The following HDAC4 variants were observed in gnomAD, a reference collection of about 807,000 sequenced individuals.
HDAC4 encodes histone deacetylase 4.
HDAC4 carries 16 observed loss-of-function variants against 135.1 expected under a neutral mutation model. That is an observed-to-expected ratio of 0.12 (90% CI 0.08 to 0.18). The LOEUF (loss-of-function observed/expected upper bound fraction) is 0.18. Among genes scored for constraint, HDAC4 ranks in the 10% least tolerant of loss-of-function variants. HDAC4 has a pLI of 1.00. For missense variants in HDAC4, 1,143 were observed against 1,511.8 expected, an observed-to-expected ratio of 0.76 and a Z score of 4.05; for synonymous variants, 685 against 653.4, an observed-to-expected ratio of 1.05 and a Z score of -0.74.
rs2034167374 is a variant in HDAC4 at position 239,071,209 on chromosome 2, G to C, written c.2751-2602C>G. ...GAGGTGGGCAGATCACCTGAGGTCA[G>C]GAGTTTGAGACCAGCCTGGCCAACA... is the stretch of plus-strand genomic sequence containing the variant. On this transcript the variant is annotated intron_variant, in intron 22 of 26. Transcript: ENST00000543185. Among the ~76,000 whole-genome samples, 2 of 152,102 alleles carry C rather than the reference G, an allele frequency of 1.3e-5. 1 individual carries two copies. The highest frequency in any genetic ancestry group is 4.1e-4 in the South Asian group (2 of 4,822).
At chr2:239,063,976 G>A (rs922158900) in intron 24 of HDAC4, among the ~76,000 whole-genome samples, 2 of 152,218 alleles carry the variant, frequency 1.3e-5, no homozygotes, top group Non-Finnish European at 2.9e-5. Context: ...GGTCACCGGG[G>A]CAAGGCACTG....
chr2:239,294,410 C>T (rs1396642164), intron 2 of HDAC4, among the ~76,000 whole-genome samples: 1 of 152,042 alleles, frequency 6.6e-6, no homozygotes, highest in African/African-American at 2.4e-5. Flanking sequence ...GAGTCTGGAG[C>T]CTACCTGGCT....
chr2:239,084,308 G>A (rs1245454975), intron 19 of HDAC4, 66 bp from the exon 20 acceptor site: 9 of 1,106,654 alleles, frequency 8.1e-6, no homozygotes, highest in East Asian at 7.6e-5. Flanking sequence ...TCCACGGCCC[G>A]CCAGAGAGCC....
intron 2 of HDAC4, among the ~76,000 whole-genome samples, chr2:239,266,860 A>C (rs1314187831): frequency 3.3e-5 from 5 of 151,970 alleles, no homozygotes; most frequent in Admixed American, 2.0e-4. Context: ...GCTCCACCCC[A>C]CACCCAGGTG....
Position 239,293,624 on chromosome 2 carries a change from C to A in HDAC4, c.23-56960G>T, listed in dbSNP as rs532420354. Reference sequence around the variant, plus strand: ...GCTTATGGACACAGGGATCCCCAGACCAACGCACAGGGCACCTCCAGGCTT... The same window carrying A: ...GCTTATGGACACAGGGATCCCCAGAACAACGCACAGGGCACCTCCAGGCTT... On this transcript the variant is annotated intron_variant, in intron 2 of 26. Coordinates refer to ENST00000543185, the MANE Select transcript of HDAC4 (RefSeq NM_001378414.1). Among the ~76,000 whole-genome samples the A allele has an allele frequency of 8.7e-4, 133 of 152,320 alleles. 1 individual carries two copies. The highest frequency in any genetic ancestry group is 3.1e-3 in the African/African-American group (128 of 41,576).
intron 9 of HDAC4, among the ~76,000 whole-genome samples, chr2:239,135,232 T>C (rs1437699495): frequency 2.6e-5 from 4 of 152,144 alleles, no homozygotes; most frequent in Non-Finnish European, 5.9e-5. Flanking sequence ...CACAAATATA[T>C]ACATTATGTA....
intron 11 of HDAC4, among the ~76,000 whole-genome samples, chr2:239,131,564 A>T (rs1486898351): frequency 1.3e-5 from 2 of 152,172 alleles, no homozygotes; most frequent in Non-Finnish European, 2.9e-5. Context: ...TGATGGGGAA[A>T]AGGGCCCTGG....
chr2:239,314,064 C>A (rs988134387), intron 2 of HDAC4, among the ~76,000 whole-genome samples: 1 of 152,108 alleles, frequency 6.6e-6, no homozygotes, highest in African/African-American at 2.4e-5. Context: ...AATCCCAGAC[C>A]CCTCGCAATG....
At chr2:239,205,406 C>G (rs940681002) in intron 3 of HDAC4, among the ~76,000 whole-genome samples, 1 of 152,122 alleles carries the variant, frequency 6.6e-6, no homozygotes, top group African/African-American at 2.4e-5. Context: ...AAGCCAGGAC[C>G]AGTGAGCCTC....
intron 1 of HDAC4, among the ~76,000 whole-genome samples, chr2:239,379,823 C>T (rs549881088): frequency 3.9e-5 from 6 of 152,328 alleles, no homozygotes; most frequent in Admixed American, 6.5e-5. Context: ...GTCACACTCA[C>T]CACAGGGTCA....
rs1255988750 is a variant in HDAC4, at chr2:239,141,661, C to T, written c.866-1865G>A. On this transcript the variant is annotated intron_variant, in intron 8 of 26. Transcript: ENST00000543185. This position sits in a 1 kb window ranked among gnomAD's most constrained non-coding sequence, Gnocchi z 4.9. ...GTAGCCCACCCTAGACCCCTGCTCTCTGATGTCAAGCTGTCTCCAGCTACA... is the reference window on the plus strand; with the variant it reads ...GTAGCCCACCCTAGACCCCTGCTCTTTGATGTCAAGCTGTCTCCAGCTACA... Among the ~76,000 whole-genome samples the T allele has an allele frequency of 1.3e-5, 2 of 152,198 alleles. No individual in the cohort carries two copies. Among genetic ancestry groups the T allele is most frequent in the Non-Finnish European group, 2.9e-5 (2 of 68,042 alleles).
rs561474468 is a variant in HDAC4, at chr2:239,317,805, C to T, written c.22+34873G>A. 2.8e-4 allele frequency among the ~76,000 whole-genome samples: 42 copies of T among 152,276 alleles called. No homozygotes were observed. In the South Asian group the frequency reaches 8.3e-3, roughly 30 times the overall value. ...CAGAGGGTCCTCAAGCAATGCCAGT[C>T]GTTTGACTATAACACTGGTGCACTG... is the stretch of plus-strand genomic sequence containing the variant. On this transcript the variant is annotated intron_variant, in intron 2 of 26. Coordinates refer to ENST00000543185, the MANE Select transcript of HDAC4 (RefSeq NM_001378414.1).
chr2:239,146,103 C>T lies in HDAC4; in HGVS notation c.734-1389G>A, dbSNP rs1038514464. Among the ~76,000 whole-genome samples the T allele has an allele frequency of 7.2e-5, 11 of 152,208 alleles. No homozygotes were observed. The highest frequency in any genetic ancestry group is 2.7e-4 in the African/African-American group (11 of 41,448). ...ACAGATGACGGATTCAGCCACAAGC[C>T]GGCCTCTCCACGGGCTACTGACGAG... On this transcript the variant is annotated intron_variant, in intron 7 of 26. Transcript: ENST00000543185. The surrounding 1 kb of genome is among the most constrained non-coding windows in gnomAD (Gnocchi z 4.5).
intron 1 of HDAC4, among the ~76,000 whole-genome samples, chr2:239,366,992 T>C (rs575372987): frequency 6.6e-6 from 1 of 150,970 alleles, no homozygotes; most frequent in Non-Finnish European, 1.5e-5. Context: ...ACAACATGCC[T>C]GAAAGCCTCC....
intron 2 of HDAC4, among the ~76,000 whole-genome samples, chr2:239,271,711 A>G (rs1471854140): frequency 6.6e-6 from 1 of 152,216 alleles, no homozygotes; most frequent in South Asian, 2.1e-4. Context: ...GACCCCGAAG[A>G]CAGGTTGCCC....
chr2:239,082,933 G>A (rs1352295576), intron 20 of HDAC4, among the ~76,000 whole-genome samples: 2 of 152,266 alleles, frequency 1.3e-5, no homozygotes, highest in Non-Finnish European at 2.9e-5. Flanking sequence ...ACAGCTGTGT[G>A]CCTGAGAAGA....
intron 13 of HDAC4, among the ~76,000 whole-genome samples, chr2:239,112,947 G>A (rs1053182398): frequency 2.6e-5 from 4 of 152,204 alleles, no homozygotes; most frequent in Non-Finnish European, 4.4e-5. Context: ...GAATCAGGCT[G>A]GGCGTGGTGG....
intron 6 of HDAC4, among the ~76,000 whole-genome samples, chr2:239,160,086 T>C (rs2042695386): frequency 6.6e-6 from 1 of 152,190 alleles, no homozygotes; most frequent in South Asian, 2.1e-4. Flanking sequence ...AGGAACCACA[T>C]ACGCCAGGAT....
intron 1 of HDAC4, among the ~76,000 whole-genome samples, chr2:239,382,614 T>G (rs1479903240): frequency 6.6e-6 from 1 of 152,236 alleles, no homozygotes; most frequent in Non-Finnish European, 1.5e-5. Context: ...AGGGCTTCCC[T>G]GACTCCTCCC....
Sources: gnomAD v4.1 joint callset for allele counts (sites outside exome capture counted in the v4.1 genomes callset) on GRCh38, gnomAD v4.1.1 for gene constraint, Gnocchi (gnomAD v3.1) non-coding constraint, MANE v1.5 for transcripts, NCBI Gene and HGNC (gene_info 2026-07-23, HGNC 2026-07-21) for gene names.